The following GIPC1 variants were observed in gnomAD, a reference collection of about 807,000 sequenced individuals.
The protein encoded by GIPC1 is GIPC PDZ domain containing family member 1.
Under a neutral mutation model 28.5 loss-of-function variants are expected in GIPC1, and 15 were observed. That is an observed-to-expected ratio of 0.53 (90% CI 0.35 to 0.81). GIPC1 has a LOEUF of 0.81. Ranked by LOEUF, GIPC1 falls within the 30% of genes least tolerant of loss-of-function variation. GIPC1 has a pLI of 0.01. For synonymous variants in GIPC1, 224 were observed against 206.1 expected (o/e 1.09, Z -0.74); for missense variants, 439 against 481.9 (o/e 0.91, Z 0.83).
intron 1 of GIPC1, among the ~76,000 whole-genome samples, chr19:14,493,467 T>C (rs10424863): frequency 0.022 from 3,333 of 151,936 alleles, 119 homozygotes; most frequent in African/African-American, 0.076. Context: ...TCTCTCTTTT[T>C]TTTTTTTCGA....
chr19:14,486,036 C>T (rs560857441), intron 3 of GIPC1, among the ~76,000 whole-genome samples: 5 of 152,236 alleles, frequency 3.3e-5, no homozygotes, highest in African/African-American at 1.2e-4. Flanking sequence ...TCCCAAAGTG[C>T]TGGGATTACA....
intron 4 of GIPC1, 29 bp from the exon 5 acceptor site, chr19:14,480,807 T>G: frequency 1.4e-5 from 21 of 1,527,674 alleles, no homozygotes; most frequent in Non-Finnish European, 1.8e-5. Context: ...CTGAAACCTC[T>G]TCCCCCTCCC....
chr19:14,485,647 C>T (rs1454526127), intron 3 of GIPC1, among the ~76,000 whole-genome samples: 1 of 138,250 alleles, frequency 7.2e-6, no homozygotes, highest in East Asian at 2.0e-4. Flanking sequence ...CAGAGATAGA[C>T]TCCGTCTCAA....
chr19:14,480,148 C>T (rs1346222903), intron 6 of GIPC1, 157 bp downstream of exon 6: 3 of 645,728 alleles, frequency 4.6e-6, no homozygotes, highest in Admixed American at 2.7e-5. Context: ...GCCAGCACCC[C>T]GTCTGGGGTC....
At chr19:14,485,725 A>AGAGAGAGAGAGAGAGAGAGAGAGAGG (rs1555721820) in intron 3 of GIPC1, among the ~76,000 whole-genome samples, 14 of 141,134 alleles carry the variant, frequency 9.9e-5, no homozygotes, top group African/African-American at 2.1e-4. Context: ...AGAGAGAGAG[A>AGAGAGAGAGAGAGAGAGAGAGAGAGG]GAGAGAGAGA....
In GIPC1 at chr19:14,480,786, G is replaced by A. The variant is rs1351297709; in HGVS notation, c.289-8C>T. 1 of 1,599,504 alleles carries A rather than the reference G, an allele frequency of 6.3e-7. No homozygotes were observed. The highest frequency in any genetic ancestry group is 8.6e-7 in the Non-Finnish European group (1 of 1,169,052). ...CAGGGTGCAGAACATCACCTGCAGGGGTGGGAGACGCTGAAACCTCTTCCC... is the reference window on the plus strand; with the variant it reads ...CAGGGTGCAGAACATCACCTGCAGGAGTGGGAGACGCTGAAACCTCTTCCC... On this transcript the variant is annotated splice_region_variant and splice_polypyrimidine_tract_variant and intron_variant, in intron 4 of 8. Transcript: ENST00000393033.
At chr19:14,480,837 A>C in intron 4 of GIPC1, 59 bp from the exon 5 acceptor site, 1 of 1,216,956 alleles carries the variant, frequency 8.2e-7, no homozygotes, top group Non-Finnish European at 1.2e-6. Context: ...TCTAATCACC[A>C]CTGGAGGGCG....
chr19:14,482,281 ACAGT>A (rs1306098765), intron 4 of GIPC1: 23 of 254,296 alleles, frequency 9.0e-5, no homozygotes, highest in Non-Finnish European at 1.7e-4. Context: ...CTGGCCTCCC[ACAGT>A]CCATTGGAGC....
Position 14,479,540 on chromosome 19 carries a change from G to A in GIPC1, c.656-16C>T, listed in dbSNP as rs2071679473. The A allele has an allele frequency of 7.4e-7, 1 of 1,350,428 alleles. No homozygotes were observed. Among genetic ancestry groups the A allele is most frequent in the Non-Finnish European group, 9.8e-7 (1 of 1,022,310 alleles). 83.7% of individuals were successfully genotyped at this position (1,350,428 alleles called of 1,614,324 possible). On this transcript the variant is annotated splice_polypyrimidine_tract_variant and intron_variant, in intron 6 of 8. Transcript: ENST00000393033. The stretch of plus-strand genomic sequence containing the variant: ...CTGATCATGTCTGTGGGAGGCAGGA[G>A]AGGAGTGAGTGTGGGGGAAGCTTGG...
chr19:14,480,140 C>T (rs1417896743), intron 6 of GIPC1, 165 bp downstream of exon 6: 3 of 633,548 alleles, frequency 4.7e-6, no homozygotes, highest in Non-Finnish European at 8.3e-6. Flanking sequence ...GGCCAAGGGC[C>T]AGCACCCCGT....
chr19:14,485,635 GACAGAGA>G (rs2071816486), intron 3 of GIPC1, among the ~76,000 whole-genome samples: 1 of 148,950 alleles, frequency 6.7e-6, no homozygotes, highest in African/African-American at 2.5e-5. Context: ...CAGCCTGGGT[GACAGAGA>G]TAGACTCCGT....
At chr19:14,494,403 A>G (rs953252114) in intron 1 of GIPC1, among the ~76,000 whole-genome samples, 5 of 152,132 alleles carry the variant, frequency 3.3e-5, no homozygotes, top group Non-Finnish European at 5.9e-5. Context: ...CCCTTGCCTG[A>G]TCTTTGCTGG....
chr19:14,491,333 A>C (rs1009990305), intron 3 of GIPC1, among the ~76,000 whole-genome samples: 7 of 151,106 alleles, frequency 4.6e-5, no homozygotes, highest in Non-Finnish European at 7.4e-5. Flanking sequence ...ATCTCGGCTC[A>C]CTGCAACCTC....
intron 1 of GIPC1, among the ~76,000 whole-genome samples, chr19:14,493,486 C>G (rs1164148076): frequency 6.6e-6 from 1 of 151,116 alleles, no homozygotes; most frequent in Non-Finnish European, 1.5e-5. Flanking sequence ...GAGATGGAGT[C>G]TTGCTCTGTC....
intron 1 of GIPC1, among the ~76,000 whole-genome samples, chr19:14,495,263 G>C (rs2072051490): frequency 6.6e-6 from 1 of 151,438 alleles, no homozygotes; most frequent in African/African-American, 2.4e-5. Flanking sequence ...TCCTGTTTGA[G>C]TGGCTGGTAA....
intron 3 of GIPC1, among the ~76,000 whole-genome samples, chr19:14,488,168 G>C (rs1808511099): frequency 6.6e-6 from 1 of 152,056 alleles, no homozygotes; most frequent in Admixed American, 6.6e-5. Context: ...CCCTGAGCTG[G>C]GGCTGGGCAT....
chr19:14,494,567 T>C (rs2072038343), intron 1 of GIPC1, among the ~76,000 whole-genome samples: 1 of 152,182 alleles, frequency 6.6e-6, no homozygotes, highest in South Asian at 2.1e-4. Context: ...TCCTCAAAAG[T>C]AGGGATTTTG....
chr19:14,484,318 T>A (rs1049913353), intron 3 of GIPC1, among the ~76,000 whole-genome samples: 1 of 151,754 alleles, frequency 6.6e-6, no homozygotes, highest in Non-Finnish European at 1.5e-5. Context: ...ACATTTTTGG[T>A]AGAGATGGGG....
chr19:14,485,604 A>C (rs1353627751), intron 3 of GIPC1, among the ~76,000 whole-genome samples: 1 of 150,684 alleles, frequency 6.6e-6, no homozygotes, highest in Non-Finnish European at 1.5e-5. Context: ...GTGAGCAGAG[A>C]TCGTGCCAAT....
Sources: gnomAD v4.1 joint callset for allele counts (sites outside exome capture counted in the v4.1 genomes callset) on GRCh38, gnomAD v4.1.1 for gene constraint, MANE v1.5 for transcripts, NCBI Gene and HGNC (gene_info 2026-07-23, HGNC 2026-07-21) for gene names.